The following DIAPH2 variants were observed in gnomAD, a reference collection of about 807,000 sequenced individuals.
DIAPH2 encodes diaphanous related formin 2.
Under a neutral mutation model 92.7 loss-of-function variants are expected in DIAPH2, and 35 were observed. The ratio of observed to expected loss-of-function variants is 0.38; its 90% confidence interval spans 0.29 to 0.50. The LOEUF is 0.50. Among genes scored for constraint, DIAPH2 ranks in the 20% least tolerant of loss-of-function variants. The probability of loss-of-function intolerance (pLI) is 0.94; values close to 1 mark genes in which losing one functional copy is unlikely to be tolerated. For synonymous variants in DIAPH2, 301 were observed against 280.4 expected (o/e 1.07, Z -0.73); for missense variants, 701 against 819.5 (o/e 0.86, Z 1.77).
intron 3 of DIAPH2, among the ~76,000 whole-genome samples, chrX:96,752,143 G>T (rs181919327): frequency 5.0e-4 from 56 of 111,442 alleles, no homozygotes; most frequent in African/African-American, 1.7e-3. Flanking sequence ...GCTCTATTTA[G>T]CTTTATTATT....
At chrX:97,177,423 A>G (rs916415043) in intron 22 of DIAPH2, among the ~76,000 whole-genome samples, 1 of 111,115 alleles carries the variant, frequency 9.0e-6, no homozygotes, top group Non-Finnish European at 1.9e-5. Context: ...GTACATTTGA[A>G]TTTCTTTATA....
At chrX:97,133,308 A>C (rs1011628573) in intron 21 of DIAPH2, among the ~76,000 whole-genome samples, 8 of 109,427 alleles carry the variant, frequency 7.3e-5, no homozygotes, top group African/African-American at 2.7e-4. Flanking sequence ...TTTCTTTGAG[A>C]CGGAGTTTCG....
intron 22 of DIAPH2, among the ~76,000 whole-genome samples, chrX:97,214,866 A>G (rs2067871068): frequency 9.2e-6 from 1 of 108,727 alleles, no homozygotes; most frequent in South Asian, 4.0e-4. Context: ...AAAAAATCCT[A>G]AATTTTAAAA....
At chrX:97,429,523 T>G (rs2070104817) in intron 25 of DIAPH2, 127 bp from the exon 26 acceptor site, 1 of 941,112 alleles carries the variant, frequency 1.1e-6, no homozygotes, top group South Asian at 3.2e-5. Flanking sequence ...GGATCCATTA[T>G]GTTAAAACAG....
intron 10 of DIAPH2, among the ~76,000 whole-genome samples, chrX:96,934,439 C>T (rs1423496512): frequency 9.0e-6 from 1 of 111,169 alleles, no homozygotes; most frequent in Non-Finnish European, 1.9e-5. Context: ...ATTGTTGGTA[C>T]ATGGATGAAA....
intron 21 of DIAPH2, among the ~76,000 whole-genome samples, chrX:97,119,621 G>A (rs1201487482): frequency 8.9e-6 from 1 of 111,918 alleles, no homozygotes; most frequent in Non-Finnish European, 1.9e-5. Context: ...ACTCCCAAGA[G>A]TATGTCCCCT....
chrX:97,066,258 A>G (rs752904713), intron 17 of DIAPH2, among the ~76,000 whole-genome samples: 1 of 111,727 alleles, frequency 9.0e-6, no homozygotes, highest in Admixed American at 9.5e-5. Context: ...CAGCTAAACC[A>G]TTTTTTATCT....
chrX:96,985,815 T>A (rs1017001810), intron 17 of DIAPH2, among the ~76,000 whole-genome samples: 4 of 110,824 alleles, frequency 3.6e-5, no homozygotes, highest in Middle Eastern at 4.6e-3. Flanking sequence ...TATATTATCA[T>A]GCCTGTTATG....
At chrX:97,135,662 C>T (rs770914893) in intron 21 of DIAPH2, among the ~76,000 whole-genome samples, 1 of 111,400 alleles carries the variant, frequency 9.0e-6, no homozygotes, top group African/African-American at 3.3e-5. Flanking sequence ...CATAAATTGC[C>T]GTGCTTTGTT....
intron 17 of DIAPH2, among the ~76,000 whole-genome samples, chrX:97,005,445 T>C (rs959026802): frequency 9.0e-6 from 1 of 111,286 alleles, no homozygotes; most frequent in Non-Finnish European, 1.9e-5. Context: ...GGAGACGTTT[T>C]ATTTTGGCTT....
At chrX:97,065,954 A>C (rs1351942822) in intron 17 of DIAPH2, among the ~76,000 whole-genome samples, 2 of 112,462 alleles carry the variant, frequency 1.8e-5, no homozygotes, top group Admixed American at 9.4e-5. Flanking sequence ...TTACAGAATA[A>C]GGATATAGAG....
Position 97,274,051 on chromosome X carries a change from GTGTA to G in DIAPH2, c.2844+26214_2844+26217del, listed in dbSNP as rs1238133156. On this transcript the variant is annotated intron_variant, in intron 23 of 26. Coordinates refer to ENST00000324765, the MANE Select transcript of DIAPH2 (RefSeq NM_006729.5). ...TGTGTGTGTGTGTGTGTGTGTGTGT[GTGTA>G]TAGAGAGAGAGACAGACTGGAATCC... Among the ~76,000 whole-genome samples, 30 of 94,081 alleles carry G rather than the reference GTGTA, an allele frequency of 3.2e-4. No homozygotes were observed. The South Asian group carries it at 4.3e-3, about 13-fold the overall frequency. The allele number at this position is 94,081 out of a possible 115,157, so 81.7% of individuals were successfully genotyped here.
chrX:97,119,609 GA>G (rs1255428058), intron 21 of DIAPH2, among the ~76,000 whole-genome samples: 1 of 111,822 alleles, frequency 8.9e-6, no homozygotes, highest in Non-Finnish European at 1.9e-5. Context: ...CAGGGCCCTA[GA>G]ACTCCCAAGA....
intron 22 of DIAPH2, among the ~76,000 whole-genome samples, chrX:97,149,870 T>C (rs2067274131): frequency 9.0e-6 from 1 of 110,773 alleles, no homozygotes; most frequent in Admixed American, 9.7e-5. Context: ...CAAATACATA[T>C]TTATCTACAT....
intron 1 of DIAPH2, among the ~76,000 whole-genome samples, chrX:96,702,585 T>C (rs1159993989): frequency 1.8e-5 from 2 of 112,074 alleles, no homozygotes; most frequent in African/African-American, 6.5e-5. Flanking sequence ...AGTGCAGAGA[T>C]TTTTTTTAAA....
intron 26 of DIAPH2, among the ~76,000 whole-genome samples, chrX:97,549,192 G>T (rs2071202407): frequency 8.9e-6 from 1 of 111,864 alleles, no homozygotes; most frequent in Non-Finnish European, 1.9e-5. Context: ...TTCAGCATTT[G>T]GGTTTGATTT....
chrX:96,701,565 T>C (rs995133511), intron 1 of DIAPH2: 11 of 110,207 alleles, frequency 1.0e-4, no homozygotes, highest in African/African-American at 3.6e-4. Context: ...AGGAGTTAGA[T>C]CTGTAACTGA....
intron 24 of DIAPH2, among the ~76,000 whole-genome samples, chrX:97,351,059 A>G (rs1043244915): frequency 4.4e-5 from 5 of 112,458 alleles, no homozygotes; most frequent in African/African-American, 1.3e-4. Flanking sequence ...TCTTTGCCTT[A>G]TATAACAGTA....
chrX:97,002,286 G>T (rs908506356), intron 17 of DIAPH2, among the ~76,000 whole-genome samples: 2 of 107,268 alleles, frequency 1.9e-5, no homozygotes, highest in Admixed American at 9.8e-5. Context: ...AATTTGTAAT[G>T]AATATATATA....
Sources: gnomAD v4.1 joint callset for allele counts (sites outside exome capture counted in the v4.1 genomes callset) on GRCh38, gnomAD v4.1.1 for gene constraint, MANE v1.5 for transcripts, NCBI Gene and HGNC (gene_info 2026-07-23, HGNC 2026-07-21) for gene names.